Variants in KIAA0040 observed in about 807,000 individuals in gnomAD.
The protein encoded by KIAA0040 is uncharacterized protein KIAA0040.
Under a neutral mutation model 7.2 loss-of-function variants are expected in KIAA0040, and 10 were observed. The ratio of observed to expected loss-of-function variants is 1.38; its 90% CI spans 0.85 to 2.34. The LOEUF (loss-of-function observed/expected upper bound fraction) is 2.34. Among genes scored for constraint, KIAA0040 ranks in the 30% most tolerant of loss-of-function variants. The pLI, the probability that KIAA0040 is intolerant of heterozygous loss-of-function variation, is 0.00. For synonymous variants in KIAA0040, 49 were observed against 40.1 expected (o/e 1.22, Z -0.84); for missense variants, 89 against 108.2 (o/e 0.82, Z 0.79).
intron 3 of KIAA0040, 35 bp from the exon 4 acceptor site, chr1:175,161,181 G>A: frequency 1.7e-6 from 1 of 580,524 alleles, no homozygotes; most frequent in Non-Finnish European, 3.0e-6. Context: ...GAAGAGAAAT[G>A]CAGGGGGACT....
At chr1:175,174,871 G>C (rs1391912886) in intron 2 of KIAA0040, among the ~76,000 whole-genome samples, 1 of 152,010 alleles carries the variant, frequency 6.6e-6, no homozygotes, top group Non-Finnish European at 1.5e-5. Context: ...AATAAAACCT[G>C]TAGCCATGGT....
chr1:175,177,232 A>AT (rs1419102303), intron 2 of KIAA0040, among the ~76,000 whole-genome samples: 1 of 152,172 alleles, frequency 6.6e-6, no homozygotes, highest in Non-Finnish European at 1.5e-5. Flanking sequence ...GCCCAGATAC[A>AT]TTTTTTATCA....
At chr1:175,189,727 TAG>T (rs1256029197) in intron 1 of KIAA0040, among the ~76,000 whole-genome samples, 1 of 152,244 alleles carries the variant, frequency 6.6e-6, no homozygotes, top group Non-Finnish European at 1.5e-5. Context: ...TACATTTTTA[TAG>T]AGTCTTACAA....
At position 175,186,285 on chromosome 1, in the gene KIAA0040, TATTA is replaced by T. The variant is rs373348382; in HGVS notation, c.-384+6351_-384+6354del. Among the ~76,000 whole-genome samples the T allele has an allele frequency of 6.1e-4, 93 of 152,368 alleles. 1 individual carries two copies. Among genetic ancestry groups the T allele is most frequent in the African/African-American group, 2.0e-3 (85 of 41,584 alleles). ...TGGAAAAGAATGGCAGAGTTTCCCT[TATTA>T]ATTGTTTGAGAAATATAAAATGTTG... is the stretch of plus-strand genomic sequence containing the variant. On this transcript the variant is annotated intron_variant, in intron 1 of 3. Coordinates refer to ENST00000423313, the MANE Select transcript of KIAA0040 (RefSeq NM_014656.3).
intron 2 of KIAA0040, among the ~76,000 whole-genome samples, chr1:175,175,092 C>T (rs1308650844): frequency 6.6e-6 from 1 of 152,136 alleles, no homozygotes; most frequent in Non-Finnish European, 1.5e-5. Flanking sequence ...AAAGGGAAAC[C>T]TCTGCTTCTG....
In KIAA0040 at chr1:175,160,420, G is replaced by T; in HGVS notation, c.*294C>A. ...ACCATATTGAGATGTATGGATAAAT[G>T]TTCTTTGTGCTTTGCATGTGGGGTA... On this transcript the variant is annotated 3_prime_UTR_variant, in exon 4 of 4. Coordinates refer to ENST00000423313, the MANE Select transcript of KIAA0040 (RefSeq NM_014656.3). 1 of 382,654 alleles carries T rather than the reference G, an allele frequency of 2.6e-6. No individual in the cohort carries two copies. Among genetic ancestry groups the T allele is most frequent in the Non-Finnish European group, 4.8e-6 (1 of 209,882 alleles). 23.7% of individuals were successfully genotyped at this position (382,654 alleles called of 1,614,324 possible).
chr1:175,187,154 T>C (rs1368494161), intron 1 of KIAA0040, among the ~76,000 whole-genome samples: 2 of 152,198 alleles, frequency 1.3e-5, no homozygotes. Context: ...CTCCCTAACA[T>C]AATGTTGAAG....
intron 1 of KIAA0040, among the ~76,000 whole-genome samples, chr1:175,187,232 A>G (rs1201738960): frequency 5.9e-5 from 9 of 152,082 alleles, no homozygotes; most frequent in African/African-American, 1.2e-4. Flanking sequence ...CCACCATTCA[A>G]CAAGCGGTTA....
rs1225650050 is a variant in KIAA0040 at position 175,160,200 on chromosome 1, T to A, written c.*514A>T. The A allele has an allele frequency of 6.4e-6, 1 of 155,570 alleles. No homozygotes were observed. Among genetic ancestry groups the A allele is most frequent in the South Asian group, 2.0e-4 (1 of 4,892 alleles). 9.6% of individuals were successfully genotyped at this position (155,570 alleles called of 1,614,324 possible). A position where few individuals can be genotyped will look rare whatever the true frequency, so the allele number is the denominator to read the frequency against. On this transcript the variant is annotated 3_prime_UTR_variant, in exon 4 of 4. Coordinates refer to ENST00000423313, the MANE Select transcript of KIAA0040 (RefSeq NM_014656.3). ...AATAGATGGTGTATGGGGGCCTTGCTGGTTAGGAAATTGTATATATGTGTC... is the reference window on the plus strand; with the variant it reads ...AATAGATGGTGTATGGGGGCCTTGCAGGTTAGGAAATTGTATATATGTGTC...
intron 2 of KIAA0040, among the ~76,000 whole-genome samples, chr1:175,177,311 G>A (rs1404927709): frequency 5.9e-5 from 9 of 152,218 alleles, no homozygotes; most frequent in Admixed American, 5.9e-4. Flanking sequence ...GATAGAGCAA[G>A]ACATTCTGAA....
At position 175,157,044 on chromosome 1, in the gene KIAA0040, C is replaced by A. The variant is rs1437697947; in HGVS notation, c.*3670G>T. On this transcript the variant is annotated 3_prime_UTR_variant, in exon 4 of 4. Transcript: ENST00000423313. ...AATGAATTTAAATAGTCACATGTGGCTATTGGTACCATATTGAACCATATT... is the reference window on the plus strand; with the variant it reads ...AATGAATTTAAATAGTCACATGTGGATATTGGTACCATATTGAACCATATT... The A allele has an allele frequency of 1.3e-5, 2 of 151,626 alleles. No individual in the cohort carries two copies. Among genetic ancestry groups the A allele is most frequent in the Non-Finnish European group, 2.9e-5 (2 of 67,990 alleles). 9.4% of individuals were successfully genotyped at this position (151,626 alleles called of 1,614,324 possible). A position where few individuals can be genotyped will look rare whatever the true frequency, so the allele number is the denominator to read the frequency against.
At chr1:175,187,103 T>C (rs1558402375) in intron 1 of KIAA0040, among the ~76,000 whole-genome samples, 1 of 152,220 alleles carries the variant, frequency 6.6e-6, no homozygotes, top group Non-Finnish European at 1.5e-5. Flanking sequence ...TCTGCAGGAC[T>C]GGCCTTAAGA....
At chr1:175,190,320 T>C (rs1677821373) in intron 1 of KIAA0040, among the ~76,000 whole-genome samples, 1 of 152,210 alleles carries the variant, frequency 6.6e-6, no homozygotes, top group Admixed American at 6.5e-5. Context: ...AGGCCACTAT[T>C]GACAAATACA....
At chr1:175,187,205 G>A (rs1223507404) in intron 1 of KIAA0040, among the ~76,000 whole-genome samples, 1 of 152,220 alleles carries the variant, frequency 6.6e-6, no homozygotes, top group Non-Finnish European at 1.5e-5. Flanking sequence ...AGGATTGTAT[G>A]CCTTAAATTC....
At position 175,160,388 on chromosome 1, in the gene KIAA0040, C is replaced by A; in HGVS notation, c.*326G>T. ...TGTGTGTTACGTGCATGTGCACACACTTGGGAACCATATTGAGATGTATGG... is the reference window on the plus strand; with the variant it reads ...TGTGTGTTACGTGCATGTGCACACAATTGGGAACCATATTGAGATGTATGG... On this transcript the variant is annotated 3_prime_UTR_variant, in exon 4 of 4. Coordinates refer to ENST00000423313, the MANE Select transcript of KIAA0040 (RefSeq NM_014656.3). 3.4e-6 allele frequency: 1 copy of A among 296,528 alleles called. No individual in the cohort carries two copies. The highest frequency in any genetic ancestry group is 6.3e-6 in the Non-Finnish European group (1 of 157,622). The allele number at this position is 296,528 out of a possible 1,614,324, so 18.4% of individuals were successfully genotyped here.
At chr1:175,185,928 A>G (rs151262431) in intron 1 of KIAA0040, among the ~76,000 whole-genome samples, 1 of 152,400 alleles carries the variant, frequency 6.6e-6, no homozygotes, top group East Asian at 1.9e-4. Flanking sequence ...GGAAAAGGCC[A>G]GTAGCAAAAG....
Position 175,167,272 on chromosome 1 carries a change from A to G in KIAA0040, c.-309-535T>C, listed in dbSNP as rs559907522. The stretch of plus-strand genomic sequence containing the variant: ...TAATATGCTTGATAGGCTTTTCTTC[A>G]ACCCTCCAAGACCTTTTCAGGTGAA... On this transcript the variant is annotated intron_variant, in intron 2 of 3. Coordinates refer to ENST00000423313, the MANE Select transcript of KIAA0040 (RefSeq NM_014656.3). Among the ~76,000 whole-genome samples, 8 of 151,606 alleles carry G rather than the reference A, an allele frequency of 5.3e-5. 1 individual carries two copies. The South Asian group carries it at 1.5e-3, about 28-fold the overall frequency.
intron 2 of KIAA0040, among the ~76,000 whole-genome samples, chr1:175,169,391 C>G (rs558510279): frequency 4.6e-5 from 7 of 152,124 alleles, no homozygotes; most frequent in Non-Finnish European, 8.8e-5. Context: ...CTCTCTCTGG[C>G]GCTCTGTTTT....
intron 1 of KIAA0040, among the ~76,000 whole-genome samples, chr1:175,179,709 T>G (rs141540811): frequency 1.3e-5 from 2 of 152,346 alleles, no homozygotes; most frequent in Admixed American, 1.3e-4. Context: ...AGTTTAGTTT[T>G]TTAAAGGCTT....
Sources: allele counts gnomAD v4.1 joint callset (sites outside exome capture counted in the v4.1 genomes callset), GRCh38; gene constraint gnomAD v4.1.1; transcripts MANE v1.5; gene names NCBI Gene and HGNC (gene_info 2026-07-23, HGNC 2026-07-21).